WDFY3: variants seen among roughly 807,000 people sequenced by gnomAD.
WDFY3 encodes WD repeat and FYVE domain containing 3.
WDFY3 carries 66 observed loss-of-function variants against 409.6 expected under a neutral mutation model. The observed-to-expected ratio is 0.16, with a 90% CI of 0.13 to 0.20. The LOEUF (loss-of-function observed/expected upper bound fraction) is 0.20, where lower values mean the gene tolerates loss of function less well. WDFY3 is among the 10% of genes least tolerant of loss of function. The probability of loss-of-function intolerance (pLI) is 1.00; values close to 1 mark genes in which losing one functional copy is unlikely to be tolerated. For synonymous variants in WDFY3, 1,521 were observed against 1,537.1 expected (o/e 0.99, Z 0.25); for missense variants, 3,031 against 4,298.1 (o/e 0.71, Z 8.24).
chr4:84,956,940 A>G (rs1402522750), intron 1 of WDFY3, among the ~76,000 whole-genome samples: 1 of 151,932 alleles, frequency 6.6e-6, no homozygotes, highest in Non-Finnish European at 1.5e-5. Context: ...ATACACAAAT[A>G]TACTAATACA....
At chr4:84,957,258 CAAAA>C (rs149018066) in intron 1 of WDFY3, among the ~76,000 whole-genome samples, 1 of 59,362 alleles carries the variant, frequency 1.7e-5, no homozygotes, top group African/African-American at 6.1e-5. Context: ...TTTCATATAC[CAAAA>C]AAAAAAAAAA....
chr4:84,951,041 T>C (rs568275731), intron 1 of WDFY3, among the ~76,000 whole-genome samples: 3 of 152,318 alleles, frequency 2.0e-5, no homozygotes, highest in South Asian at 4.1e-4. Flanking sequence ...GCAAAATGCA[T>C]CTCACATTGG....
intron 17 of WDFY3, among the ~76,000 whole-genome samples, chr4:84,799,325 C>CATAT (rs1462859357): frequency 2.1e-5 from 3 of 143,498 alleles, no homozygotes; most frequent in Admixed American, 7.0e-5. Context: ...CTAGTTAATA[C>CATAT]ATATATATAT....
intron 26 of WDFY3, among the ~76,000 whole-genome samples, chr4:84,779,153 G>A (rs1038413716): frequency 3.2e-4 from 49 of 151,752 alleles, no homozygotes; most frequent in African/African-American, 1.2e-3. Context: ...TCTTATTACT[G>A]GTATATCTAG....
chr4:84,931,777 T>C (rs1770794667), intron 2 of WDFY3, among the ~76,000 whole-genome samples: 1 of 152,098 alleles, frequency 6.6e-6, no homozygotes, highest in Admixed American at 6.6e-5. Flanking sequence ...AAAAATAAAC[T>C]TTTTAATAAC....
rs1260346162 is a variant in WDFY3, at chr4:84,678,978, G to A, written c.10088C>T (p.Pro3363Leu). The change falls in exon 65 of 68, where the codon CCC becomes CTC. Residue 3363 changes from proline to leucine, a missense_variant. Transcript: ENST00000295888. ...GGGATTGGGGTGGGGGTGGCTAAGG[G>A]GGCCCTGCAGATGGGCTCTGGTCTG... ...EGQTRAHLQG[P>L]LSHPHPNPIE... 3.1e-6 allele frequency: 5 copies of A among 1,614,082 alleles called. No homozygotes were observed. Among genetic ancestry groups the A allele is most frequent in the Non-Finnish European group, 8.5e-7 (1 of 1,180,042 alleles).
chr4:84,832,345 G>A (rs574760788), intron 7 of WDFY3, among the ~76,000 whole-genome samples: 18 of 152,212 alleles, frequency 1.2e-4, no homozygotes, highest in African/African-American at 3.9e-4. Flanking sequence ...AAGGGAAGGC[G>A]AGTGGGGCAA....
chr4:84,953,404 A>G (rs1489701604), intron 1 of WDFY3, among the ~76,000 whole-genome samples: 2 of 152,162 alleles, frequency 1.3e-5, no homozygotes, highest in Non-Finnish European at 2.9e-5. Context: ...ATTTTTGCTA[A>G]ATGAGCAGGT....
chr4:84,878,533 A>G (rs879321969), intron 3 of WDFY3, among the ~76,000 whole-genome samples: 9 of 152,218 alleles, frequency 5.9e-5, no homozygotes, highest in Admixed American at 2.0e-4. Context: ...GAGGAGTTTT[A>G]TTGTTATTTT....
At chr4:84,903,667 T>C (rs1375383889) in intron 2 of WDFY3, among the ~76,000 whole-genome samples, 1 of 152,136 alleles carries the variant, frequency 6.6e-6, no homozygotes, top group African/African-American at 2.4e-5. Context: ...ACTTCAAAAA[T>C]ATTTCAAACC....
At chr4:84,964,040 A>C (rs1022643820) in intron 1 of WDFY3, among the ~76,000 whole-genome samples, 1 of 152,244 alleles carries the variant, frequency 6.6e-6, no homozygotes, top group Non-Finnish European at 1.5e-5. Flanking sequence ...AGAAGTTCAT[A>C]ATCTTTTACA....
At chr4:84,785,761 A>AT in intron 24 of WDFY3, among the ~76,000 whole-genome samples, 1 of 152,340 alleles carries the variant, frequency 6.6e-6, no homozygotes, top group East Asian at 1.9e-4. Context: ...ATTAATATGA[A>AT]TTATGTACTC....
intron 43 of WDFY3, among the ~76,000 whole-genome samples, chr4:84,734,243 T>C (rs1269646495): frequency 3.3e-5 from 5 of 152,146 alleles, no homozygotes; most frequent in Non-Finnish European, 5.9e-5. Flanking sequence ...ATCTATCAAA[T>C]GACAAATATA....
At chr4:84,875,133 TG>T (rs1762599381) in intron 3 of WDFY3, among the ~76,000 whole-genome samples, 1 of 151,876 alleles carries the variant, frequency 6.6e-6, no homozygotes, top group Non-Finnish European at 1.5e-5. Flanking sequence ...CCAGGCATGG[TG>T]GCACGCGCCT....
At chr4:84,885,347 TGTGTGTG>T (rs1764068595) in intron 3 of WDFY3, among the ~76,000 whole-genome samples, 1 of 151,394 alleles carries the variant, frequency 6.6e-6, no homozygotes, top group Non-Finnish European at 1.5e-5. Flanking sequence ...TGTGTGTGTG[TGTGTGTG>T]TGTGTGTGTG....
Position 84,831,685 on chromosome 4 carries a change from A to C in WDFY3, c.577-80T>G, listed in dbSNP as rs181731331. ...GATTTAAAAATGGGCAAATGAGCTG[A>C]ATGGACTGCTCTCAAAAGAAGACAT... On this transcript the variant is annotated intron_variant, in intron 7 of 67. Transcript: ENST00000295888. 3.1e-5 allele frequency: 40 copies of C among 1,297,728 alleles called. No individual in the cohort carries two copies. The African/African-American group carries it at 4.9e-4, about 16-fold the overall frequency. The allele number at this position is 1,297,728 out of a possible 1,614,324, so 80.4% of individuals were successfully genotyped here.
chr4:84,927,832 C>T (rs371588667), intron 2 of WDFY3, among the ~76,000 whole-genome samples: 1 of 152,230 alleles, frequency 6.6e-6, no homozygotes, highest in African/African-American at 2.4e-5. Flanking sequence ...TTATAAATTA[C>T]CCAGTCTCAG....
chr4:84,905,392 C>G (rs1191466517), intron 2 of WDFY3, among the ~76,000 whole-genome samples: 1 of 152,058 alleles, frequency 6.6e-6, no homozygotes, highest in Non-Finnish European at 1.5e-5. Flanking sequence ...GACCTCCAGT[C>G]TCATTTAAGA....
At chr4:84,926,906 A>T (rs938792949) in intron 2 of WDFY3, among the ~76,000 whole-genome samples, 1 of 152,234 alleles carries the variant, frequency 6.6e-6, no homozygotes, top group Admixed American at 6.5e-5. Context: ...TCCCCAGTCC[A>T]CTACAGGCAT....
Sources: gnomAD v4.1 joint callset for allele counts (sites outside exome capture counted in the v4.1 genomes callset) on GRCh38, gnomAD v4.1.1 for gene constraint, MANE v1.5 for transcripts, NCBI Gene and HGNC (gene_info 2026-07-23, HGNC 2026-07-21) for gene names.